ZER1: variants seen among roughly 807,000 people sequenced by gnomAD.
ZER1 encodes zyg-11 related cell cycle regulator.
Under a neutral mutation model 78.8 loss-of-function variants are expected in ZER1, and 11 were observed. The observed-to-expected ratio is 0.14, with a 90% CI of 0.09 to 0.23. The LOEUF (loss-of-function observed/expected upper bound fraction) is 0.23. Among genes scored for constraint, ZER1 ranks in the 10% least tolerant of loss-of-function variants. The pLI, the probability that ZER1 is intolerant of heterozygous loss-of-function variation, is 1.00. For missense variants in ZER1, 588 were observed against 996.9 expected (o/e 0.59, Z 5.52); for synonymous variants, 400 against 407.0 (o/e 0.98, Z 0.21).
At chr9:128,747,059 C>A (rs554263319) in intron 8 of ZER1, among the ~76,000 whole-genome samples, 3 of 151,778 alleles carry the variant, frequency 2.0e-5, no homozygotes, top group African/African-American at 7.3e-5. Context: ...ATTAGCCAGG[C>A]GTGGTGGCAT....
At chr9:128,731,598 C>A (rs1307101743) in intron 15 of ZER1, among the ~76,000 whole-genome samples, 1 of 152,210 alleles carries the variant, frequency 6.6e-6, no homozygotes, top group African/African-American at 2.4e-5. Context: ...AATGCCATCA[C>A]CAGCCATCCT....
chr9:128,737,330 T>G (rs1863119992), intron 13 of ZER1, among the ~76,000 whole-genome samples: 1 of 151,766 alleles, frequency 6.6e-6, no homozygotes. Context: ...CAGCCTGGAG[T>G]CATGGTCCAA....
At chr9:128,748,309 G>A (rs545550753) in intron 8 of ZER1, among the ~76,000 whole-genome samples, 78 of 151,680 alleles carry the variant, frequency 5.1e-4, no homozygotes, top group African/African-American at 1.8e-3. Flanking sequence ...GGAGGCTGAG[G>A]CAGAATAGCG....
Position 128,753,201 on chromosome 9 carries a change from C to T in ZER1, c.709G>A (p.Asp237Asn), listed in dbSNP as rs578255079. The T allele has an allele frequency of 1.3e-5, 20 of 1,570,006 alleles. No individual in the cohort carries two copies. Among genetic ancestry groups the T allele is most frequent in the Admixed American group, 3.7e-5 (2 of 53,408 alleles). The stretch of plus-strand genomic sequence containing the variant: ...AGCTGCACGATGACCCGGATGTGGT[C>T]GTCGGACAGGTCCATGTTGTAGAGG... ...LVLYNMDLSD[D>N]HIRVIVQLHK... The change falls in exon 4 of 16, where the codon GAC (aspartate) becomes AAC (asparagine). Residue 237 changes from aspartate (D) to asparagine (N), a missense_variant. Asp to Asn is a conservative substitution (Grantham distance 23). Around this residue, in one of 3 missense-constraint regions of ZER1, gnomAD observed 406 missense variants for 660.1 expected, o/e 0.62. Transcript: ENST00000291900. The surrounding 1 kb of genome is among the most constrained non-coding windows in gnomAD (Gnocchi z 7.5).
At chr9:128,758,121 G>GTT (rs1166926419) in intron 1 of ZER1, among the ~76,000 whole-genome samples, 53 of 137,484 alleles carry the variant, frequency 3.9e-4, no homozygotes, top group African/African-American at 4.5e-4. Context: ...TTTAGTTTAG[G>GTT]TTTTTTTTTT....
chr9:128,770,442 G>C (rs569413195), intron 1 of ZER1, among the ~76,000 whole-genome samples: 2 of 152,222 alleles, frequency 1.3e-5, no homozygotes, highest in South Asian at 4.1e-4. Context: ...CAAATCACCA[G>C]GCATATGACC....
intron 1 of ZER1, among the ~76,000 whole-genome samples, chr9:128,761,893 C>CG (rs1383009456): frequency 2.0e-5 from 3 of 152,128 alleles, no homozygotes; most frequent in Non-Finnish European, 4.4e-5. Flanking sequence ...CGTGAGCCAC[C>CG]GCGCCCGGCT....
chr9:128,734,848 T>G (rs951560409), intron 14 of ZER1, among the ~76,000 whole-genome samples: 1 of 147,848 alleles, frequency 6.8e-6, no homozygotes, highest in African/African-American at 2.5e-5. Context: ...TGGTATGTGT[T>G]TTTTTTTTTT....
Position 128,753,057 on chromosome 9 carries a change from G to T in ZER1, c.746+107C>A. ...GACTGTGTCTTCATCCCCACCCTCTGCCTAGCCAAGCGCTCCTGAACCCTG... is the reference window on the plus strand; with the variant it reads ...GACTGTGTCTTCATCCCCACCCTCTTCCTAGCCAAGCGCTCCTGAACCCTG... On this transcript the variant is annotated intron_variant, in intron 4 of 15. Transcript: ENST00000291900. This position sits in a 1 kb window ranked among gnomAD's most constrained non-coding sequence, Gnocchi z 7.5. 1 of 1,272,920 alleles carries T rather than the reference G, an allele frequency of 7.9e-7. No individual in the cohort carries two copies. Among genetic ancestry groups the T allele is most frequent in the Non-Finnish European group, 1.1e-6 (1 of 945,958 alleles). 78.9% of individuals were successfully genotyped at this position (1,272,920 alleles called of 1,614,324 possible). A position where few individuals can be genotyped will look rare whatever the true frequency, so the allele number is the denominator to read the frequency against.
rs1009681583 is a variant in ZER1 at position 128,761,561 on chromosome 9, C to T, written c.-94-5902G>A. Among the ~76,000 whole-genome samples the T allele has an allele frequency of 4.1e-5, 6 of 146,918 alleles. 1 individual carries two copies. The South Asian group carries it at 6.4e-4, about 16-fold the overall frequency. On this transcript the variant is annotated intron_variant, in intron 1 of 15. Transcript: ENST00000291900. ...CTCGCCTCCCAAAATGGTGGAACTA[C>T]AGTCATGAGCCACCATGTCCAGCCC...
rs1351966360 is a variant in ZER1, at chr9:128,743,277, G to A, written c.1360-532C>T. Among the ~76,000 whole-genome samples the A allele has an allele frequency of 2.1e-4, 32 of 151,656 alleles. 1 individual carries two copies. The highest frequency in any genetic ancestry group is 3.4e-3 in the Middle Eastern group (1 of 294). Reference sequence around the variant, plus strand: ...GGATTACAGGCGTGCCACCATGCCCGGCTAATTTTTGTATTTTTAGTAGAG... The same window carrying A: ...GGATTACAGGCGTGCCACCATGCCCAGCTAATTTTTGTATTTTTAGTAGAG... On this transcript the variant is annotated intron_variant, in intron 8 of 15. Transcript: ENST00000291900.
At chr9:128,761,051 G>C (rs1343874552) in intron 1 of ZER1, among the ~76,000 whole-genome samples, 2 of 149,280 alleles carry the variant, frequency 1.3e-5, no homozygotes, top group Non-Finnish European at 3.0e-5. Flanking sequence ...CCAGCTACTC[G>C]GGAGGCTGAG....
rs770244212 is a variant in ZER1 at position 128,735,382 on chromosome 9, T to C, written c.2092A>G (p.Ser698Gly). Residue 698 changes from serine to glycine, a missense_variant, in exon 14 of 16, where the codon AGC becomes GGC. Transcript: ENST00000291900. The part of the protein sequence containing the change: ...RLLPQGISPV[S>G]QHWATWALYN... ...AGGGCCCAGGTTGCCCAGTGCTGGCTGACAGGAGAGATTCCCTGGGGAAGG... is the reference window on the plus strand; with the variant it reads ...AGGGCCCAGGTTGCCCAGTGCTGGCCGACAGGAGAGATTCCCTGGGGAAGG... 1.9e-6 allele frequency: 3 copies of C among 1,614,130 alleles called. No individual in the cohort carries two copies. The South Asian group carries it at 3.3e-5, about 18-fold the overall frequency.
At chr9:128,742,292 C>G (rs188773473) in intron 9 of ZER1, among the ~76,000 whole-genome samples, 1 of 152,224 alleles carries the variant, frequency 6.6e-6, no homozygotes, top group Admixed American at 6.5e-5. Flanking sequence ...GCAGGATGAG[C>G]GCAGGGACTG....
At position 128,753,870 on chromosome 9, in the gene ZER1, G is replaced by A. The variant is rs1589535521; in HGVS notation, c.248C>T (p.Thr83Met). 14 of 1,603,032 alleles carry A rather than the reference G, an allele frequency of 8.7e-6. No homozygotes were observed. The highest frequency in any genetic ancestry group is 1.7e-5 in the Admixed American group (1 of 57,750). Residue 83 changes from threonine (T) to methionine (M), a missense_variant, in exon 3 of 16, where the codon ACG becomes ATG. Coordinates refer to ENST00000291900, the MANE Select transcript of ZER1 (RefSeq NM_006336.4). This position sits in a 1 kb window ranked among gnomAD's most constrained non-coding sequence, Gnocchi z 7.5. ...CAGGTCCTCACGGAGGTGGATCCGCGTGAGGCGGGTGCTGCGGGGGTCCGA... is the reference window on the plus strand; with the variant it reads ...CAGGTCCTCACGGAGGTGGATCCGCATGAGGCGGGTGCTGCGGGGGTCCGA... ...LFSDPRSTRLTRIHLREDLVQ... is the reference protein window; with the variant it reads ...LFSDPRSTRLMRIHLREDLVQ...
Position 128,755,304 on chromosome 9 carries a change from T to C in ZER1, c.158+104A>G. ...GTGCACACACACACACCCTCACACA[T>C]TCATCTCCATAGCTACTCCCCACAT... On this transcript the variant is annotated intron_variant, in intron 2 of 15. Coordinates refer to ENST00000291900, the MANE Select transcript of ZER1 (RefSeq NM_006336.4). The surrounding 1 kb of genome is among the most constrained non-coding windows in gnomAD (Gnocchi z 5.6). 1 of 1,488,018 alleles carries C rather than the reference T, an allele frequency of 6.7e-7. No individual in the cohort carries two copies. Among genetic ancestry groups the C allele is most frequent in the Non-Finnish European group, 9.2e-7 (1 of 1,082,796 alleles). The allele number at this position is 1,488,018 out of a possible 1,614,324, so 92.2% of individuals were successfully genotyped here.
At chr9:128,768,284 C>A (rs1158748597) in intron 1 of ZER1, among the ~76,000 whole-genome samples, 2 of 152,174 alleles carry the variant, frequency 1.3e-5, no homozygotes, top group Non-Finnish European at 2.9e-5. Context: ...GTGCCAAGAG[C>A]AGTCTTCCAG....
Position 128,754,444 on chromosome 9 carries a change from G to C in ZER1, c.159-485C>G, listed in dbSNP as rs1003511809. Among the ~76,000 whole-genome samples the C allele has an allele frequency of 6.6e-6, 1 of 152,194 alleles. No homozygotes were observed. Among genetic ancestry groups the C allele is most frequent in the Non-Finnish European group, 1.5e-5 (1 of 68,034 alleles). ...AAATGCTTTGGATTCAAACGCTTTAGACTCTAAATCTTGGCTTGGCTGCTT... is the reference window on the plus strand; with the variant it reads ...AAATGCTTTGGATTCAAACGCTTTACACTCTAAATCTTGGCTTGGCTGCTT... On this transcript the variant is annotated intron_variant, in intron 2 of 15. Coordinates refer to ENST00000291900, the MANE Select transcript of ZER1 (RefSeq NM_006336.4). This position sits in a 1 kb window ranked among gnomAD's most constrained non-coding sequence, Gnocchi z 4.3.
intron 1 of ZER1, among the ~76,000 whole-genome samples, chr9:128,765,496 CA>C (rs1864180208): frequency 6.6e-6 from 1 of 152,160 alleles, no homozygotes; most frequent in South Asian, 2.1e-4. Flanking sequence ...CGCTTCTCAC[CA>C]AATATTTGGT....
Sources: gnomAD v4.1 joint callset for allele counts (sites outside exome capture counted in the v4.1 genomes callset) on GRCh38, gnomAD v4.1.1 for gene constraint, gnomAD v4.1.1 regional missense constraint, Gnocchi (gnomAD v3.1) non-coding constraint, MANE v1.5 for transcripts, NCBI Gene and HGNC (gene_info 2026-07-23, HGNC 2026-07-21) for gene names.